TBC1D4: variants seen among roughly 807,000 people sequenced by gnomAD.
TBC1D4 encodes TBC1 domain family member 4, also known as TBC (Tre-2, BUB2, CDC16) domain-containing protein.
A neutral mutation model predicts 142.5 loss-of-function variants in TBC1D4; 121 were observed. That is an observed-to-expected ratio of 0.85 (90% CI 0.73 to 0.99). The LOEUF is 0.99. Among genes scored for constraint, TBC1D4 ranks in the 50% least tolerant of loss-of-function variants. The pLI is 0.00. For synonymous variants in TBC1D4, 630 were observed against 628.2 expected (o/e 1.00, Z -0.04); for missense variants, 1,475 against 1,606.6 (o/e 0.92, Z 1.40).
At chr13:75,421,374 C>G (rs1390112355) in intron 1 of TBC1D4, among the ~76,000 whole-genome samples, 1 of 152,196 alleles carries the variant, frequency 6.6e-6, no homozygotes, top group Non-Finnish European at 1.5e-5. Context: ...GTGAACTCAG[C>G]TGGGGAGTTC....
intron 1 of TBC1D4, among the ~76,000 whole-genome samples, chr13:75,375,045 C>T (rs117562369): frequency 0.019 from 2,912 of 152,250 alleles, 30 homozygotes; most frequent in Non-Finnish European, 0.028. Flanking sequence ...GTGACCCAAA[C>T]CAGGTAATGT....
At position 75,326,372 on chromosome 13, in the gene TBC1D4, A is replaced by G. The variant is rs760864068; in HGVS notation, c.1858T>C (p.Ser620Pro). Residue 620 changes from serine (S) to proline (P), a missense_variant, in exon 10 of 21, where the codon TCC (serine) becomes CCC (proline). By Grantham distance (74) the Ser-to-Pro change is moderately conservative (BLOSUM62 -1). Around this residue, in one of 2 missense-constraint regions of TBC1D4, gnomAD observed 1,227 missense variants for 1,267.7 expected, o/e 0.97. Coordinates refer to ENST00000377636, the MANE Select transcript of TBC1D4 (RefSeq NM_014832.5). The stretch of plus-strand genomic sequence containing the variant: ...TCGGGAAACGTTTGCCAAGCTGAGG[A>G]CGGTGGGGACGCTGGCGGTGTCCCT... Reference protein sequence around the residue: ...PPGTPPASPPSSAWQTFPEED... With the variant: ...PPGTPPASPPPSAWQTFPEED... 14 of 1,613,932 alleles carry G rather than the reference A, an allele frequency of 8.7e-6. No individual in the cohort carries two copies. In the South Asian group the frequency reaches 1.5e-4, roughly 18 times the overall value.
rs2137852965 is a variant in TBC1D4 at position 75,295,019 on chromosome 13, G to C, written c.3157-6C>G. 2 of 1,613,154 alleles carry C rather than the reference G, an allele frequency of 1.2e-6. No homozygotes were observed. Among genetic ancestry groups the C allele is most frequent in the East Asian group, 2.2e-5 (1 of 44,834 alleles). Reference sequence around the variant, plus strand: ...GACAGCTGGTACATTTGAATCTAAAGTTAATTTGGAGAAGAAAAAAAATAT... The same window carrying C: ...GACAGCTGGTACATTTGAATCTAAACTTAATTTGGAGAAGAAAAAAAATAT... On this transcript the variant is annotated splice_region_variant and splice_polypyrimidine_tract_variant and intron_variant, in intron 17 of 20. Coordinates refer to ENST00000377636, the MANE Select transcript of TBC1D4 (RefSeq NM_014832.5).
chr13:75,353,800 T>C (rs1288298254), intron 4 of TBC1D4, among the ~76,000 whole-genome samples: 2 of 152,194 alleles, frequency 1.3e-5, no homozygotes, highest in Non-Finnish European at 2.9e-5. Context: ...TTGCACACTC[T>C]CCTTGCTTAG....
At chr13:75,371,186 A>C (rs1883202600) in intron 1 of TBC1D4, among the ~76,000 whole-genome samples, 1 of 152,228 alleles carries the variant, frequency 6.6e-6, no homozygotes, top group Non-Finnish European at 1.5e-5. Context: ...CAAGAACGAA[A>C]TTCAAAGCAA....
At chr13:75,400,459 G>A (rs1397694332) in intron 1 of TBC1D4, among the ~76,000 whole-genome samples, 2 of 54,808 alleles carry the variant, frequency 3.6e-5, no homozygotes, top group Non-Finnish European at 6.5e-5. Flanking sequence ...GTAAATTCAT[G>A]CTTTTTTTTT....
At chr13:75,410,985 A>C (rs1885632587) in intron 1 of TBC1D4, among the ~76,000 whole-genome samples, 1 of 150,278 alleles carries the variant, frequency 6.7e-6, no homozygotes, top group Non-Finnish European at 1.5e-5. Context: ...GCAGACATAA[A>C]ATATTTTAAC....
intron 1 of TBC1D4, among the ~76,000 whole-genome samples, chr13:75,414,429 A>C (rs562870165): frequency 6.6e-6 from 1 of 152,292 alleles, no homozygotes; most frequent in Admixed American, 6.5e-5. Flanking sequence ...TACCCACGAA[A>C]AGTTTTTAGT....
Position 75,310,090 on chromosome 13 carries a change from T to C in TBC1D4, c.2445A>G (p.Glu815=). 3.1e-6 allele frequency: 5 copies of C among 1,614,082 alleles called. No homozygotes were observed. The highest frequency in any genetic ancestry group is 4.2e-6 in the Non-Finnish European group (5 of 1,179,986). ...LSPLSPTMEE[E]PLVVFLSGED... ...CCCCAGACAGGAATACAACCAGCGGTTCCTCCTCCATGGTTGGAGAGAGGG... is the reference window on the plus strand; with the variant it reads ...CCCCAGACAGGAATACAACCAGCGGCTCCTCCTCCATGGTTGGAGAGAGGG... Residue 815 remains glutamate, a synonymous_variant, in exon 14 of 21, where the codon GAA becomes GAG. Coordinates refer to ENST00000377636, the MANE Select transcript of TBC1D4 (RefSeq NM_014832.5).
chr13:75,299,701 A>G (rs192557504), intron 16 of TBC1D4, 127 bp from the exon 17 acceptor site: 553 of 1,193,926 alleles, frequency 4.6e-4, no homozygotes, highest in Non-Finnish European at 6.2e-4. Context: ...AGAGTTGCTT[A>G]GAGTCACCAT....
intron 1 of TBC1D4, among the ~76,000 whole-genome samples, chr13:75,381,464 TTTCTTGTGTATGC>T (rs1883842753): frequency 6.6e-6 from 1 of 152,266 alleles, no homozygotes; most frequent in African/African-American, 2.4e-5. Flanking sequence ...ATGATTTAAA[TTTCTTGTGTATGC>T]TTAAAAAGAA....
chr13:75,354,031 G>T (rs1233216499), intron 4 of TBC1D4, among the ~76,000 whole-genome samples: 1 of 152,182 alleles, frequency 6.6e-6, no homozygotes, highest in Non-Finnish European at 1.5e-5. Flanking sequence ...TAACCAACAC[G>T]TGTGGGTTTC....
intron 1 of TBC1D4, among the ~76,000 whole-genome samples, chr13:75,384,485 A>G (rs1884055453): frequency 6.6e-6 from 1 of 151,922 alleles, no homozygotes; most frequent in South Asian, 2.1e-4. Context: ...CTGCAGCACT[A>G]CATCCAGTCA....
chr13:75,381,892 A>G (rs557818217), intron 1 of TBC1D4, among the ~76,000 whole-genome samples: 1 of 152,378 alleles, frequency 6.6e-6, no homozygotes, highest in East Asian at 1.9e-4. Context: ...TGTTTACAGT[A>G]CCAATCTATG....
intron 1 of TBC1D4, among the ~76,000 whole-genome samples, chr13:75,408,422 C>G (rs959615174): frequency 1.3e-5 from 2 of 152,034 alleles, no homozygotes; most frequent in Admixed American, 1.3e-4. Context: ...AATTCACATA[C>G]GAGGGTTATT....
intron 1 of TBC1D4, among the ~76,000 whole-genome samples, chr13:75,459,092 G>A (rs1032675560): frequency 1.3e-5 from 2 of 152,104 alleles, no homozygotes; most frequent in Non-Finnish European, 2.9e-5. Context: ...TGGCACACCT[G>A]CTTCCGCCAG....
At chr13:75,466,494 G>A (rs755087109) in intron 1 of TBC1D4, among the ~76,000 whole-genome samples, 1 of 152,108 alleles carries the variant, frequency 6.6e-6, no homozygotes, top group African/African-American at 2.4e-5. Flanking sequence ...TCAGTTCAAA[G>A]TCTCCACTTG....
intron 11 of TBC1D4, 101 bp from the exon 12 acceptor site, chr13:75,320,138 G>A: frequency 1.5e-6 from 2 of 1,300,098 alleles, no homozygotes; most frequent in Non-Finnish European, 2.2e-6. Flanking sequence ...AATAAGTCAT[G>A]GTAAGGTTAC....
chr13:75,306,196 G>T (rs1593894582), intron 15 of TBC1D4, 117 bp downstream of exon 15: 1 of 953,756 alleles, frequency 1.0e-6, no homozygotes, highest in Non-Finnish European at 1.5e-6. Context: ...TTTTTACTAA[G>T]CAAAACACAA....
Sources: gnomAD v4.1 joint callset for allele counts (sites outside exome capture counted in the v4.1 genomes callset) on GRCh38, gnomAD v4.1.1 for gene constraint, gnomAD v4.1.1 regional missense constraint, MANE v1.5 for transcripts, NCBI Gene and HGNC (gene_info 2026-07-23, HGNC 2026-07-21) for gene names.